Variants in CHCHD6 observed in about 807,000 individuals in gnomAD.
The protein encoded by CHCHD6 is MICOS complex subunit MIC25.
A neutral mutation model predicts 32.3 loss-of-function variants in CHCHD6; 28 were observed. The ratio of observed to expected loss-of-function variants is 0.87; its 90% CI spans 0.64 to 1.19. The LOEUF (loss-of-function observed/expected upper bound fraction) is 1.19, where lower values mean the gene tolerates loss of function less well. Among genes scored for constraint, CHCHD6 ranks in the 50% most tolerant of loss-of-function variants. The pLI is 0.00. For missense variants in CHCHD6, 333 were observed against 307.0 expected (o/e 1.08, Z -0.63); for synonymous variants, 122 against 117.5 (o/e 1.04, Z -0.25).
chr3:126,776,617 C>G (rs1046022476), intron 4 of CHCHD6, among the ~76,000 whole-genome samples: 1 of 152,122 alleles, frequency 6.6e-6, no homozygotes, highest in Non-Finnish European at 1.5e-5. Context: ...AAATATTTGT[C>G]AAATATTGAT....
At chr3:126,805,822 C>T (rs1302198097) in intron 4 of CHCHD6, among the ~76,000 whole-genome samples, 2 of 152,146 alleles carry the variant, frequency 1.3e-5, no homozygotes, top group Admixed American at 6.5e-5. Context: ...CTACAGTAAC[C>T]AAAACAGCAT....
intron 1 of CHCHD6, among the ~76,000 whole-genome samples, chr3:126,719,635 G>A (rs1352981784): frequency 1.3e-5 from 2 of 152,194 alleles, no homozygotes; most frequent in East Asian, 3.9e-4. Flanking sequence ...TTAGGTGAGG[G>A]AGGACATGGG....
intron 4 of CHCHD6, among the ~76,000 whole-genome samples, chr3:126,850,606 C>T (rs1258762282): frequency 6.6e-6 from 1 of 152,202 alleles, no homozygotes; most frequent in African/African-American, 2.4e-5. Context: ...TCTGCTGCTT[C>T]ACTTAACTGT....
chr3:126,811,445 G>C (rs571169582), intron 4 of CHCHD6, among the ~76,000 whole-genome samples: 83 of 152,260 alleles, frequency 5.5e-4, no homozygotes, highest in African/African-American at 1.9e-3. Context: ...CAATTAATTA[G>C]TTATTTTTAA....
At chr3:126,844,744 A>G (rs982921136) in intron 4 of CHCHD6, among the ~76,000 whole-genome samples, 4 of 152,198 alleles carry the variant, frequency 2.6e-5, no homozygotes, top group South Asian at 2.1e-4. Context: ...GGCAAAAGGA[A>G]CTTTGCAGGT....
At chr3:126,816,862 C>T (rs1316118443) in intron 4 of CHCHD6, among the ~76,000 whole-genome samples, 3 of 152,264 alleles carry the variant, frequency 2.0e-5, no homozygotes, top group East Asian at 1.9e-4. Flanking sequence ...TCCCTCCCCC[C>T]TCTTCCCACC....
intron 5 of CHCHD6, among the ~76,000 whole-genome samples, chr3:126,863,549 T>TCAA (rs1942058920): frequency 4.2e-5 from 3 of 71,026 alleles, no homozygotes; most frequent in Non-Finnish European, 5.7e-5. Flanking sequence ...TCCTCCACCA[T>TCAA]CACCACCTCC....
intron 6 of CHCHD6, among the ~76,000 whole-genome samples, chr3:126,934,329 A>T (rs1007445905): frequency 2.0e-5 from 3 of 152,118 alleles, no homozygotes; most frequent in African/African-American, 7.2e-5. Flanking sequence ...AGTTTTACTT[A>T]AGCTAACAAA....
chr3:126,870,354 C>G (rs2077448173), intron 5 of CHCHD6, among the ~76,000 whole-genome samples: 1 of 152,232 alleles, frequency 6.6e-6, no homozygotes, highest in Non-Finnish European at 1.5e-5. Flanking sequence ...GTGGCTGTTA[C>G]AGAACCACAC....
intron 4 of CHCHD6, among the ~76,000 whole-genome samples, chr3:126,744,256 G>A (rs1486978376): frequency 6.6e-6 from 1 of 152,224 alleles, no homozygotes; most frequent in Non-Finnish European, 1.5e-5. Flanking sequence ...TTATTCACAT[G>A]GTTTTTGGGG....
At chr3:126,774,108 T>A (rs192176895) in intron 4 of CHCHD6, among the ~76,000 whole-genome samples, 2 of 152,246 alleles carry the variant, frequency 1.3e-5, no homozygotes, top group Non-Finnish European at 2.9e-5. Flanking sequence ...AGTACTGATA[T>A]GATTCAGATA....
chr3:126,786,231 T>G (rs1007987852), intron 4 of CHCHD6, among the ~76,000 whole-genome samples: 1 of 152,258 alleles, frequency 6.6e-6, no homozygotes, highest in Non-Finnish European at 1.5e-5. Context: ...CTATCATTGT[T>G]GGACATTTGA....
At chr3:126,767,370 T>A in intron 4 of CHCHD6, 1 of 797,662 alleles carries the variant, frequency 1.3e-6, no homozygotes, top group South Asian at 1.3e-5. Context: ...GCAGACATGA[T>A]CACTTCGTGG....
chr3:126,909,674 G>A (rs1443800520), intron 5 of CHCHD6, among the ~76,000 whole-genome samples: 1 of 152,178 alleles, frequency 6.6e-6, no homozygotes, highest in Non-Finnish European at 1.5e-5. Flanking sequence ...GAGGAGGAGG[G>A]GCAGCTGTCT....
chr3:126,759,279 T>TA (rs1399312617), intron 4 of CHCHD6, among the ~76,000 whole-genome samples: 1 of 152,260 alleles, frequency 6.6e-6, no homozygotes, highest in Admixed American at 6.5e-5. Flanking sequence ...TACTTGGAGA[T>TA]ATTGTAATTT....
chr3:126,820,543 A>AGCAGTAGTT (rs1396094515), intron 4 of CHCHD6, among the ~76,000 whole-genome samples: 5 of 152,168 alleles, frequency 3.3e-5, no homozygotes, highest in African/African-American at 9.7e-5. Context: ...CCATGTATTT[A>AGCAGTAGTT]GCAGTAGTTT....
At chr3:126,829,688 A>G (rs938118544) in intron 4 of CHCHD6, among the ~76,000 whole-genome samples, 2 of 152,084 alleles carry the variant, frequency 1.3e-5, no homozygotes, top group East Asian at 3.9e-4. Context: ...TCTCTCTATC[A>G]TGTGACGACA....
chr3:126,722,375 C>G (rs1480746608), intron 1 of CHCHD6, among the ~76,000 whole-genome samples: 2 of 152,180 alleles, frequency 1.3e-5, no homozygotes, highest in Non-Finnish European at 2.9e-5. Flanking sequence ...GTTGCCCAGG[C>G]TGGTCTCAAA....
chr3:126,712,602 G>A (rs1465567557), intron 1 of CHCHD6, among the ~76,000 whole-genome samples: 1 of 152,098 alleles, frequency 6.6e-6, no homozygotes, highest in Non-Finnish European at 1.5e-5. Context: ...TCCCTCTATT[G>A]GAAGGGGTCG....
Sources: gnomAD v4.1 joint callset for allele counts (sites outside exome capture counted in the v4.1 genomes callset) on GRCh38, gnomAD v4.1.1 for gene constraint, MANE v1.5 for transcripts, NCBI Gene and HGNC (gene_info 2026-07-23, HGNC 2026-07-21) for gene names.